PELI2: variants seen among roughly 807,000 people sequenced by gnomAD.
The protein encoded by PELI2 is E3 ubiquitin-protein ligase pellino homolog 2.
Under a neutral mutation model 42.3 loss-of-function variants are expected in PELI2, and 23 were observed. The observed-to-expected ratio is 0.54, with a 90% confidence interval of 0.39 to 0.77. The LOEUF is 0.77. Among genes scored for constraint, PELI2 ranks in the 30% least tolerant of loss-of-function variants. The pLI is 0.00. For missense variants in PELI2, 463 were observed against 553.2 expected (o/e 0.84, Z 1.64); for synonymous variants, 245 against 212.2 (o/e 1.15, Z -1.34).
chr14:56,286,969 C>G (rs1889666340), intron 3 of PELI2, among the ~76,000 whole-genome samples: 1 of 152,186 alleles, frequency 6.6e-6, no homozygotes, highest in African/African-American at 2.4e-5. Context: ...ATTTCAATTA[C>G]TTCATCAAGA....
At position 56,158,318 on chromosome 14, in the gene PELI2, G is replaced by A. The variant is rs185918566; in HGVS notation, c.78-20017G>A. 7.5e-3 allele frequency among the ~76,000 whole-genome samples: 1,133 copies of A among 151,576 alleles called. 8 individuals are homozygous for A. Among genetic ancestry groups the A allele is most frequent in the Middle Eastern group, 0.017 (5 of 288 alleles). ...GCTAGGATTACAGGTGTGAGCTGCC[G>A]TGCCTGCCCAAGATTCTTATTTTAA... On this transcript the variant is annotated intron_variant, in intron 1 of 5. Transcript: ENST00000267460.
chr14:56,296,606 A>G lies in PELI2; in HGVS notation c.703A>G (p.Ser235Gly). The G allele has an allele frequency of 1.3e-6, 2 of 1,593,188 alleles. No homozygotes were observed. The highest frequency in any genetic ancestry group is 1.7e-6 in the Non-Finnish European group (2 of 1,166,864). The change falls in exon 6 of 6, where the codon AGT becomes GGT. Residue 235 changes from serine to glycine, a missense_variant. By Grantham distance (56) the Ser-to-Gly change is moderately conservative. This residue lies in a region of PELI2 where 343 missense variants were observed against 378.4 expected (regional missense o/e 0.91). Coordinates refer to ENST00000267460, the MANE Select transcript of PELI2 (RefSeq NM_021255.3). The stretch of plus-strand genomic sequence containing the variant: ...TGTCTCAAACTTGTTGTAGGTGGAA[A>G]GTGAGACCAACGTCCTGCAGGACGG... ...SAQQRGKLVE[S>G]ETNVLQDGSL...
At chr14:56,152,824 A>G (rs568916620) in intron 1 of PELI2, among the ~76,000 whole-genome samples, 114 of 152,370 alleles carry the variant, frequency 7.5e-4, no homozygotes, top group Middle Eastern at 6.8e-3. Flanking sequence ...GTTTTCACAT[A>G]CTGAAATTCA....
At chr14:56,239,836 G>A (rs1009035938) in intron 2 of PELI2, among the ~76,000 whole-genome samples, 2 of 152,024 alleles carry the variant, frequency 1.3e-5, no homozygotes, top group South Asian at 2.1e-4. Context: ...CAAATTCCCC[G>A]AGTCTACATT....
intron 1 of PELI2, among the ~76,000 whole-genome samples, chr14:56,172,053 G>A (rs1337169228): frequency 2.6e-5 from 4 of 152,076 alleles, no homozygotes; most frequent in Admixed American, 2.6e-4. Context: ...GCAGGGAGAG[G>A]ATGACTGTGG....
At chr14:56,183,398 A>G (rs1455139666) in intron 2 of PELI2, among the ~76,000 whole-genome samples, 1 of 152,228 alleles carries the variant, frequency 6.6e-6, no homozygotes, top group African/African-American at 2.4e-5. Context: ...AAATAACAAC[A>G]TCGAAAAACA....
rs28504146 is a variant in PELI2, at chr14:56,296,741, G to A, written c.838G>A (p.Ala280Thr). The part of the protein sequence containing the change: ...IEALRQEINA[A>T]RPQCPVGLNT... ...AGCCCTCCGGCAGGAGATTAACGCC[G>A]CCCGGCCTCAGTGTCCTGTGGGGCT... Residue 280 changes from alanine (A) to threonine (T), a missense_variant, in exon 6 of 6, where the codon GCC becomes ACC. Ala to Thr is a moderately conservative substitution (Grantham distance 58, BLOSUM62 0). This residue lies in a region of PELI2 where 343 missense variants were observed against 378.4 expected (regional missense o/e 0.91). Coordinates refer to ENST00000267460, the MANE Select transcript of PELI2 (RefSeq NM_021255.3). The A allele has an allele frequency of 7.0e-5, 113 of 1,614,038 alleles. No homozygotes were observed. The highest frequency in any genetic ancestry group is 4.7e-4 in the African/African-American group (35 of 75,014).
At chr14:56,178,262 CAAT>C in intron 1 of PELI2, 70 bp from the exon 2 acceptor site, 1 of 1,507,150 alleles carries the variant, frequency 6.6e-7, no homozygotes, top group Non-Finnish European at 9.2e-7. Flanking sequence ...TTCCCTTATT[CAAT>C]ACCTCTAACT....
intron 1 of PELI2, among the ~76,000 whole-genome samples, chr14:56,136,355 G>A (rs1172273152): frequency 1.3e-5 from 2 of 152,108 alleles, no homozygotes; most frequent in Non-Finnish European, 1.5e-5. Flanking sequence ...GTGCATCTGC[G>A]GTGCTTATAA....
rs796443153 is a variant in PELI2 at position 56,221,935 on chromosome 14, T to G, written c.207+43471T>G. ...AGCCACGAGAGGAACTCCATGAAGT[T>G]TAGCTTCCTGCCTCTTGCCAGCCTC... On this transcript the variant is annotated intron_variant, in intron 2 of 5. Transcript: ENST00000267460. Among the ~76,000 whole-genome samples, 44 of 152,296 alleles carry G rather than the reference T, an allele frequency of 2.9e-4. 1 individual carries two copies. The highest frequency in any genetic ancestry group is 1.0e-3 in the African/African-American group (42 of 41,570).
chr14:56,290,031 G>A (rs918250343), intron 4 of PELI2, among the ~76,000 whole-genome samples: 1 of 152,172 alleles, frequency 6.6e-6, no homozygotes, highest in Non-Finnish European at 1.5e-5. Flanking sequence ...TTTTTTGCAA[G>A]TTCTTGAGAA....
intron 2 of PELI2, among the ~76,000 whole-genome samples, chr14:56,258,046 T>C (rs1183770197): frequency 2.6e-5 from 4 of 152,128 alleles, no homozygotes; most frequent in Non-Finnish European, 4.4e-5. Flanking sequence ...CTTCTGTAGC[T>C]CACAAAGGAC....
At chr14:56,200,588 A>G (rs965534591) in intron 2 of PELI2, among the ~76,000 whole-genome samples, 3 of 152,230 alleles carry the variant, frequency 2.0e-5, no homozygotes, top group Non-Finnish European at 2.9e-5. Flanking sequence ...AAAATAATCA[A>G]TATAACCACC....
chr14:56,229,591 A>G (rs951220073), intron 2 of PELI2, among the ~76,000 whole-genome samples: 8 of 152,226 alleles, frequency 5.3e-5, no homozygotes, highest in African/African-American at 9.6e-5. Context: ...CCCCATCTGT[A>G]CGTCACCATC....
At chr14:56,290,580 C>G in intron 5 of PELI2, 124 bp downstream of exon 5, 1 of 554,518 alleles carries the variant, frequency 1.8e-6, no homozygotes, top group Non-Finnish European at 2.9e-6. Flanking sequence ...TACTGTAACT[C>G]AGGAGAAGCA....
Position 56,299,224 on chromosome 14 carries a change from C to T in PELI2, c.*2058C>T, listed in dbSNP as rs1402701335. 1 of 152,108 alleles carries T rather than the reference C, an allele frequency of 6.6e-6. No individual in the cohort carries two copies. Among genetic ancestry groups the T allele is most frequent in the African/African-American group, 2.4e-5 (1 of 41,434 alleles). The allele number at this position is 152,108 out of a possible 1,614,324, so 9.4% of individuals were successfully genotyped here. On this transcript the variant is annotated 3_prime_UTR_variant, in exon 6 of 6. Coordinates refer to ENST00000267460, the MANE Select transcript of PELI2 (RefSeq NM_021255.3). ...CCTACCAAGAAAAAAAGATATTTTT[C>T]CAGAGAGTTAGGTATATCATAATTT...
At position 56,219,154 on chromosome 14, in the gene PELI2, T is replaced by TTTA. The variant is rs1029264120; in HGVS notation, c.207+40692_207+40693insATT. ...TGGTCTCTTAATTCCTTTTTTATTT[T>TTTA]TTTTTGGATGACTTGAGGACAATAA... On this transcript the variant is annotated intron_variant, in intron 2 of 5. Transcript: ENST00000267460. The surrounding 1 kb of genome is among the most constrained non-coding windows in gnomAD (Gnocchi z 4.1). Among the ~76,000 whole-genome samples, 44 of 151,330 alleles carry TTTA rather than the reference T, an allele frequency of 2.9e-4. No individual in the cohort carries two copies. Among genetic ancestry groups the TTTA allele is most frequent in the East Asian group, 1.2e-3 (6 of 5,106 alleles).
chr14:56,239,260 A>G (rs1300679914), intron 2 of PELI2, among the ~76,000 whole-genome samples: 1 of 152,242 alleles, frequency 6.6e-6, no homozygotes, highest in East Asian at 1.9e-4. Flanking sequence ...TAGTCTAGAA[A>G]GTCTAGAAAG....
In PELI2 at chr14:56,166,054, CCTT is replaced by C. The variant is rs535359634; in HGVS notation, c.78-12277_78-12275del. Among the ~76,000 whole-genome samples, 28 of 152,230 alleles carry C rather than the reference CCTT, an allele frequency of 1.8e-4. No homozygotes were observed. In the South Asian group the frequency reaches 5.6e-3, roughly 30 times the overall value. ...TGTGGTTGTTACATGGTCTTCTCTT[CCTT>C]CTTTTCTTCTTGTCTTCCTCTAGCG... On this transcript the variant is annotated intron_variant, in intron 1 of 5. Transcript: ENST00000267460.
Sources: gnomAD v4.1 joint callset for allele counts (sites outside exome capture counted in the v4.1 genomes callset) on GRCh38, gnomAD v4.1.1 for gene constraint, gnomAD v4.1.1 regional missense constraint, Gnocchi (gnomAD v3.1) non-coding constraint, MANE v1.5 for transcripts, NCBI Gene and HGNC (gene_info 2026-07-23, HGNC 2026-07-21) for gene names.